Variants in SKAP2 observed in about 807,000 individuals in gnomAD.
SKAP2 encodes src kinase associated phosphoprotein 2.
Under a neutral mutation model 54.9 loss-of-function variants are expected in SKAP2, and 28 were observed. That is an observed-to-expected ratio of 0.51 (90% CI 0.38 to 0.70). The LOEUF is 0.70. Among genes scored for constraint, SKAP2 ranks in the 30% least tolerant of loss-of-function variants. SKAP2 has a pLI of 0.00. For synonymous variants in SKAP2, 137 were observed against 134.3 expected (o/e 1.02, Z -0.14); for missense variants, 356 against 424.1 (o/e 0.84, Z 1.41).
chr7:26,724,732 T>A (rs1163087497), intron 9 of SKAP2, among the ~76,000 whole-genome samples: 1 of 152,158 alleles, frequency 6.6e-6, no homozygotes, highest in Non-Finnish European at 1.5e-5. Context: ...TGTTTTCATA[T>A]GTTTCCTAAA....
chr7:26,800,297 G>A (rs62448179), intron 4 of SKAP2, among the ~76,000 whole-genome samples: 1 of 152,008 alleles, frequency 6.6e-6, no homozygotes, highest in Non-Finnish European at 1.5e-5. Context: ...CATGAAGAAG[G>A]AAATTGAAAA....
chr7:26,679,729 A>T (rs1331253317), intron 11 of SKAP2, among the ~76,000 whole-genome samples: 1 of 152,220 alleles, frequency 6.6e-6, no homozygotes, highest in East Asian at 1.9e-4. Context: ...CTGCCAATAA[A>T]GCTCAACAAG....
At chr7:26,828,334 T>C (rs1784534087) in intron 4 of SKAP2, among the ~76,000 whole-genome samples, 1 of 152,188 alleles carries the variant, frequency 6.6e-6, no homozygotes, top group Non-Finnish European at 1.5e-5. Flanking sequence ...AGAATTCTTT[T>C]TAACGAACGA....
At chr7:26,744,497 AG>A (rs1236814154) in intron 4 of SKAP2, among the ~76,000 whole-genome samples, 1 of 152,126 alleles carries the variant, frequency 6.6e-6, no homozygotes, top group Non-Finnish European at 1.5e-5. Flanking sequence ...AAGTCCCTTG[AG>A]TAGGCAAGGG....
chr7:26,786,625 G>A (rs1783550810), intron 4 of SKAP2, among the ~76,000 whole-genome samples: 1 of 152,162 alleles, frequency 6.6e-6, no homozygotes, highest in Admixed American at 6.5e-5. Context: ...CACTTTCAAC[G>A]GGTGCCTGTG....
At chr7:26,727,230 T>G (rs189964040) in intron 6 of SKAP2, among the ~76,000 whole-genome samples, 1 of 152,042 alleles carries the variant, frequency 6.6e-6, no homozygotes, top group Non-Finnish European at 1.5e-5. Context: ...CATGGTCTTA[T>G]TTGGAAGGAA....
At chr7:26,823,503 T>C (rs1313955515) in intron 4 of SKAP2, among the ~76,000 whole-genome samples, 1 of 150,444 alleles carries the variant, frequency 6.6e-6, no homozygotes, top group African/African-American at 2.4e-5. Flanking sequence ...GTGGTCTGGC[T>C]AGAAGATTAA....
At chr7:26,822,508 C>T (rs1341772187) in intron 4 of SKAP2, among the ~76,000 whole-genome samples, 1 of 152,050 alleles carries the variant, frequency 6.6e-6, no homozygotes, top group African/African-American at 2.4e-5. Flanking sequence ...ACTCAACCTT[C>T]CCCTATCTCT....
intron 4 of SKAP2, among the ~76,000 whole-genome samples, chr7:26,786,862 C>T (rs1304123792): frequency 1.3e-5 from 2 of 152,000 alleles, no homozygotes. Context: ...TAACTTAACT[C>T]TCCTCCTTCT....
At chr7:26,828,636 C>G (rs981963092) in intron 4 of SKAP2, among the ~76,000 whole-genome samples, 7 of 148,418 alleles carry the variant, frequency 4.7e-5, no homozygotes, top group Non-Finnish European at 1.0e-4. Context: ...AAGATTGAGC[C>G]ACTGCACTCT....
intron 9 of SKAP2, among the ~76,000 whole-genome samples, chr7:26,720,493 AT>A (rs906095495): frequency 1.0e-3 from 156 of 151,728 alleles, no homozygotes; most frequent in Non-Finnish European, 1.7e-3. Context: ...GAATGATTTC[AT>A]TTTTTTTTAT....
chr7:26,714,948 T>C (rs947385006), intron 9 of SKAP2, among the ~76,000 whole-genome samples: 1 of 152,172 alleles, frequency 6.6e-6, no homozygotes, highest in East Asian at 1.9e-4. Context: ...AAGTCTGATA[T>C]GAAGACTGTT....
intron 11 of SKAP2, among the ~76,000 whole-genome samples, chr7:26,671,278 T>G (rs537059462): frequency 3.3e-5 from 5 of 152,234 alleles, no homozygotes; most frequent in Admixed American, 1.3e-4. Flanking sequence ...TAAGATAAAT[T>G]TTCAAAATCA....
chr7:26,713,765 C>A (rs945014418), intron 9 of SKAP2, among the ~76,000 whole-genome samples: 1 of 151,894 alleles, frequency 6.6e-6, no homozygotes, highest in South Asian at 2.1e-4. Context: ...ACGCCCAGCT[C>A]ATTTTTTGTA....
At chr7:26,692,714 T>C (rs1211337963) in intron 9 of SKAP2, among the ~76,000 whole-genome samples, 3 of 152,218 alleles carry the variant, frequency 2.0e-5, no homozygotes, top group South Asian at 2.1e-4. Flanking sequence ...TTTTTAACAA[T>C]AGTTATCTCA....
intron 4 of SKAP2, among the ~76,000 whole-genome samples, chr7:26,814,499 A>G (rs1784223066): frequency 6.6e-6 from 1 of 150,754 alleles, no homozygotes; most frequent in Admixed American, 6.6e-5. Context: ...GGCTTCTAAT[A>G]TGGTGGTATT....
intron 1 of SKAP2, among the ~76,000 whole-genome samples, chr7:26,856,587 C>T (rs1785168339): frequency 6.6e-6 from 1 of 152,024 alleles, no homozygotes; most frequent in Non-Finnish European, 1.5e-5. Flanking sequence ...AATTTTGTGC[C>T]CAGAACAGCA....
At chr7:26,827,939 C>A (rs1784523901) in intron 4 of SKAP2, among the ~76,000 whole-genome samples, 1 of 152,118 alleles carries the variant, frequency 6.6e-6, no homozygotes, top group Admixed American at 6.5e-5. Context: ...CCCTATGTGA[C>A]TGACACAGGG....
chr7:26,783,931 T>C (rs1438300524), intron 4 of SKAP2, among the ~76,000 whole-genome samples: 1 of 151,376 alleles, frequency 6.6e-6, no homozygotes, highest in Admixed American at 6.6e-5. Context: ...ACCCTGAAAC[T>C]TAAAGTATAA....
Sources: allele counts gnomAD v4.1 joint callset (sites outside exome capture counted in the v4.1 genomes callset), GRCh38; gene constraint gnomAD v4.1.1; transcripts MANE v1.5; gene names NCBI Gene and HGNC (gene_info 2026-07-23, HGNC 2026-07-21).